The following ABCB11 variants were observed in gnomAD, a reference collection of about 807,000 sequenced individuals.
ABCB11 encodes ATP binding cassette subfamily B member 11.
Under a neutral mutation model 148.0 loss-of-function variants are expected in ABCB11, and 95 were observed. The observed-to-expected ratio is 0.64, with a 90% CI of 0.54 to 0.76. The LOEUF (loss-of-function observed/expected upper bound fraction) is 0.76, where lower values mean the gene tolerates loss of function less well. ABCB11 is among the 30% of genes least tolerant of loss of function. The probability of loss-of-function intolerance (pLI) is 0.00; values close to 1 mark genes in which losing one functional copy is unlikely to be tolerated. For missense variants in ABCB11, 1,523 were observed against 1,617.8 expected, an observed-to-expected ratio of 0.94 and a Z score of 1.01; for synonymous variants, 591 against 555.4, an observed-to-expected ratio of 1.06 and a Z score of -0.90.
At chr2:168,955,406 A>G (rs186367483) in intron 19 of ABCB11, among the ~76,000 whole-genome samples, 22 of 151,718 alleles carry the variant, frequency 1.5e-4, no homozygotes, top group Admixed American at 1.1e-3. Context: ...GAACAGAGGA[A>G]GCAAGCAGAT....
chr2:168,948,157 T>A lies in ABCB11; in HGVS notation c.2344-3196A>T, dbSNP rs554467480. Reference sequence around the variant, plus strand: ...TCAGAACTCTCCACAGCAGCTCATATGCACAGTTTAGGTGGAGATGGGTGA... The same window carrying A: ...TCAGAACTCTCCACAGCAGCTCATAAGCACAGTTTAGGTGGAGATGGGTGA... On this transcript the variant is annotated intron_variant, in intron 19 of 27. Coordinates refer to ENST00000650372, the MANE Select transcript of ABCB11 (RefSeq NM_003742.4). Among the ~76,000 whole-genome samples, 3 of 151,862 alleles carry A rather than the reference T, an allele frequency of 2.0e-5. No homozygotes were observed. The East Asian group carries it at 5.9e-4, about 30-fold the overall frequency.
At chr2:169,025,951 T>G (rs1024609192) in intron 1 of ABCB11, among the ~76,000 whole-genome samples, 1 of 152,226 alleles carries the variant, frequency 6.6e-6, no homozygotes, top group Admixed American at 6.5e-5. Flanking sequence ...AAGGATCTAA[T>G]GTAGTGGGTA....
chr2:168,983,497 T>C (rs939860739), intron 10 of ABCB11, among the ~76,000 whole-genome samples: 8 of 152,172 alleles, frequency 5.3e-5, no homozygotes, highest in Admixed American at 5.2e-4. Context: ...TCTTTAAAGT[T>C]TACAAAACAC....
chr2:168,942,683 T>G (rs1692123166), intron 21 of ABCB11, among the ~76,000 whole-genome samples: 1 of 151,870 alleles, frequency 6.6e-6, no homozygotes, highest in South Asian at 2.1e-4. Flanking sequence ...ATGCACTTAC[T>G]TCACATTGCA....
At chr2:169,028,385 G>A (rs1171527195) in intron 1 of ABCB11, among the ~76,000 whole-genome samples, 1 of 152,090 alleles carries the variant, frequency 6.6e-6, no homozygotes, top group Non-Finnish European at 1.5e-5. Context: ...GCCTTGTCTA[G>A]AGAGCTGGAG....
Position 168,922,767 on chromosome 2 carries a change from TG to T in ABCB11, c.*854del, listed in dbSNP as rs1691126535. Among the ~76,000 whole-genome samples the T allele has an allele frequency of 6.6e-6, 1 of 152,212 alleles. No individual in the cohort carries two copies. Among genetic ancestry groups the T allele is most frequent in the Non-Finnish European group, 1.5e-5 (1 of 68,040 alleles). Reference sequence around the variant, plus strand: ...TTTCTGCCATATTTACTTGCTTTTTTGTATAAAACCTTATGAAACTACAGCA... The same window carrying T: ...TTTCTGCCATATTTACTTGCTTTTTTTATAAAACCTTATGAAACTACAGCA... On this transcript the variant is annotated 3_prime_UTR_variant, in exon 28 of 28. Transcript: ENST00000650372.
chr2:168,971,774 T>C, intron 14 of ABCB11, 73 bp downstream of exon 14: 1 of 1,349,090 alleles, frequency 7.4e-7, no homozygotes, highest in Non-Finnish European at 1.1e-6. Context: ...CGAGAAGAAA[T>C]GTGTATAATT....
chr2:168,919,892 A>G (rs1691025876), downstream of ABCB11, among the ~76,000 whole-genome samples: 2 of 149,128 alleles, frequency 1.3e-5, no homozygotes, highest in South Asian at 2.1e-4. Flanking sequence ...TTTTTTTTTG[A>G]GACAAGGTCT....
intron 12 of ABCB11, among the ~76,000 whole-genome samples, 196 bp downstream of exon 12, chr2:168,976,380 CA>C (rs1380410229): frequency 1.1e-4 from 16 of 152,114 alleles, no homozygotes; most frequent in Admixed American, 9.2e-4. Context: ...GGGATTTGCA[CA>C]TTATGGTTAT....
chr2:168,976,172 C>T (rs926268425), intron 12 of ABCB11, among the ~76,000 whole-genome samples: 4 of 152,132 alleles, frequency 2.6e-5, no homozygotes, highest in Non-Finnish European at 2.9e-5. Context: ...TCCTTTGCCA[C>T]TTCATACCCT....
intron 2 of ABCB11, 94 bp from the exon 3 acceptor site, chr2:169,016,893 T>C (rs1253723703): frequency 1.0e-5 from 9 of 901,050 alleles, no homozygotes; most frequent in African/African-American, 1.7e-5. Context: ...AAAATATTCC[T>C]ATAAATTACC....
chr2:168,973,130 G>A lies in ABCB11; in HGVS notation c.1434+585C>T, dbSNP rs182492941. Among the ~76,000 whole-genome samples, 111 of 151,038 alleles carry A rather than the reference G, an allele frequency of 7.3e-4. 1 individual carries two copies. The Middle Eastern group carries it at 0.01, about 14-fold the overall frequency. The stretch of plus-strand genomic sequence containing the variant: ...AACTTAAGGACACAATAATATTTTC[G>A]TTATAATACAAAGAAAAAAGTGGAA... On this transcript the variant is annotated intron_variant, in intron 13 of 27. Transcript: ENST00000650372.
At chr2:168,977,060 GT>G (rs1445798051) in intron 11 of ABCB11, among the ~76,000 whole-genome samples, 20 of 147,820 alleles carry the variant, frequency 1.4e-4, no homozygotes, top group Non-Finnish European at 2.8e-4. Flanking sequence ...TATTTATCAT[GT>G]TGTTACTGAG....
intron 3 of ABCB11, among the ~76,000 whole-genome samples, chr2:169,014,690 G>A (rs546756299): frequency 1.3e-5 from 2 of 152,234 alleles, no homozygotes; most frequent in East Asian, 3.9e-4. Flanking sequence ...ATTTGTGACT[G>A]CATTTCCTCA....
At chr2:168,979,845 T>C (rs1214970278) in intron 11 of ABCB11, 21 bp downstream of exon 11, 2 of 1,502,788 alleles carry the variant, frequency 1.3e-6, no homozygotes, top group East Asian at 4.7e-5. Context: ...TTAATGGCCT[T>C]TACTTTTGGC....
intron 4 of ABCB11, among the ~76,000 whole-genome samples, 196 bp downstream of exon 4, chr2:169,014,107 A>G (rs1190389272): frequency 2.0e-5 from 3 of 152,202 alleles, no homozygotes; most frequent in East Asian, 3.9e-4. Context: ...TCTATTGGAT[A>G]GGATTTGTAT....
At chr2:168,954,841 CTTTCAGGATACTGATAA>C (rs919464682) in intron 19 of ABCB11, among the ~76,000 whole-genome samples, 2 of 151,670 alleles carry the variant, frequency 1.3e-5, no homozygotes, top group African/African-American at 4.8e-5. Flanking sequence ...TCTCTCTTCC[CTTTCAGGATACTGATAA>C]TTCATAAGTT....
chr2:168,935,115 A>G (rs1691755855), intron 23 of ABCB11, 69 bp downstream of exon 23: 1 of 1,584,516 alleles, frequency 6.3e-7, no homozygotes, highest in Admixed American at 1.7e-5. Context: ...GCAAAAAGCT[A>G]ACTGACAGAA....
intron 19 of ABCB11, among the ~76,000 whole-genome samples, chr2:168,945,544 AGAAAGGAAGGAAG>A (rs1233200430): frequency 3.3e-5 from 5 of 151,732 alleles, no homozygotes; most frequent in Non-Finnish European, 7.4e-5. Flanking sequence ...GAAAGAAGGA[AGAAAGGAAGGAAG>A]GAAAGGAAGG....
Sources: gnomAD v4.1 joint callset for allele counts (sites outside exome capture counted in the v4.1 genomes callset) on GRCh38, gnomAD v4.1.1 for gene constraint, MANE v1.5 for transcripts, NCBI Gene and HGNC (gene_info 2026-07-23, HGNC 2026-07-21) for gene names.